The following ATP5PB variants were observed in gnomAD, a reference collection of about 807,000 sequenced individuals.
The protein encoded by ATP5PB is ATP synthase peripheral stalk-membrane subunit b.
In ATP5PB, 21 loss-of-function variants were observed where a neutral mutation model predicts 34.5. That is an observed-to-expected ratio of 0.61 (90% CI 0.43 to 0.88). The LOEUF (loss-of-function observed/expected upper bound fraction) is 0.88. Ranked by LOEUF, ATP5PB falls within the 40% of genes least tolerant of loss-of-function variation. ATP5PB has a pLI of 0.00. For synonymous variants in ATP5PB, 108 were observed against 114.1 expected (o/e 0.95, Z 0.34); for missense variants, 293 against 317.4 (o/e 0.92, Z 0.58).
intron 6 of ATP5PB, among the ~76,000 whole-genome samples, chr1:111,460,091 G>A (rs1393414863): frequency 6.6e-6 from 1 of 152,146 alleles, no homozygotes; most frequent in Non-Finnish European, 1.5e-5. Flanking sequence ...TTGAGCCCAG[G>A]AAGCATAGGC....
rs781095726 is a variant in ATP5PB at position 111,454,301 on chromosome 1, T to C, written c.168T>C (p.Tyr56=). 8.7e-5 allele frequency: 141 copies of C among 1,612,872 alleles called. 1 individual carries two copies. The highest frequency in any genetic ancestry group is 4.2e-6 in the Non-Finnish European group (5 of 1,179,688). ...CTGAATACGGAGGAAAAGTTCGTTA[T>C]GGACTGATCCCTGAGGAATTCTTCC... ...PLPEYGGKVR[Y]GLIPEEFFQF... is the part of the protein sequence containing the mutation. Residue 56 remains tyrosine (Y), a synonymous_variant, in exon 3 of 7, where the codon TAT becomes TAC. Coordinates refer to ENST00000369722, the MANE Select transcript of ATP5PB (RefSeq NM_001688.5).
chr1:111,454,157 A>G lies in ATP5PB; in HGVS notation c.78-54A>G, dbSNP rs1653405738. ...TATTGTTTCTGCTCATTATTCATAC[A>G]CTGTATTCTCCTTAAAGAAACAGGC... is the stretch of plus-strand genomic sequence containing the variant. On this transcript the variant is annotated intron_variant, in intron 2 of 6. Coordinates refer to ENST00000369722, the MANE Select transcript of ATP5PB (RefSeq NM_001688.5). The G allele has an allele frequency of 1.6e-5, 24 of 1,467,462 alleles. No homozygotes were observed. In the East Asian group the frequency reaches 5.9e-4, roughly 36 times the overall value. The allele number at this position is 1,467,462 out of a possible 1,614,324, so 90.9% of individuals were successfully genotyped here.
At chr1:111,455,249 A>G (rs894924306) in intron 3 of ATP5PB, among the ~76,000 whole-genome samples, 1 of 152,200 alleles carries the variant, frequency 6.6e-6, no homozygotes, top group African/African-American at 2.4e-5. Context: ...GGTGATAACA[A>G]TGTTACATAT....
intron 2 of ATP5PB, among the ~76,000 whole-genome samples, chr1:111,451,960 A>T (rs959514504): frequency 2.6e-5 from 4 of 152,088 alleles, no homozygotes; most frequent in Non-Finnish European, 5.9e-5. Context: ...ATTTTTAAAA[A>T]TTTTTTAAAT....
chr1:111,455,977 A>G, intron 3 of ATP5PB, 109 bp from the exon 4 acceptor site: 1 of 969,942 alleles, frequency 1.0e-6, no homozygotes, highest in Non-Finnish European at 1.4e-6. Flanking sequence ...CTTTGAATCT[A>G]ATTAAGTCAT....
In ATP5PB at chr1:111,460,948, A is replaced by G. The variant is rs1653605838; in HGVS notation, c.725A>G (p.Asp242Gly). 2.5e-6 allele frequency: 4 copies of G among 1,613,326 alleles called. No individual in the cohort carries two copies. The South Asian group carries it at 4.4e-5, about 18-fold the overall frequency. The change falls in exon 7 of 7, where the codon GAC (aspartate) becomes GGC (glycine). Residue 242 changes from aspartate to glycine, a missense_variant. Transcript: ENST00000369722. ...EKETIAKCIADLKLLAKKAQA... is the reference protein window; with the variant it reads ...EKETIAKCIAGLKLLAKKAQA... ...GAGACAATTGCCAAGTGCATTGCGG[A>G]CCTAAAGCTGCTGGCAAAGAAGGCT... is the stretch of plus-strand genomic sequence containing the variant.
At chr1:111,456,998 C>T (rs1653491718) in intron 5 of ATP5PB, among the ~76,000 whole-genome samples, 1 of 151,838 alleles carries the variant, frequency 6.6e-6, no homozygotes, top group South Asian at 2.1e-4. Flanking sequence ...TGGATCCACA[C>T]AAAATGAAAT....
At chr1:111,457,098 C>T (rs975574747) in intron 5 of ATP5PB, among the ~76,000 whole-genome samples, 1 of 152,158 alleles carries the variant, frequency 6.6e-6, no homozygotes, top group Admixed American at 6.5e-5. Context: ...TACACACTTG[C>T]TGCAAGAACA....
At chr1:111,456,322 A>G (rs1018577259) in intron 4 of ATP5PB, 73 bp downstream of exon 4, 2 of 1,428,420 alleles carry the variant, frequency 1.4e-6, no homozygotes, top group African/African-American at 1.4e-5. Flanking sequence ...TATTTTTGAT[A>G]TGAGTGTTAG....
chr1:111,450,951 G>T (rs987399452), intron 2 of ATP5PB, among the ~76,000 whole-genome samples: 1 of 152,142 alleles, frequency 6.6e-6, no homozygotes, highest in Non-Finnish European at 1.5e-5. Flanking sequence ...CCTCAGCAAG[G>T]CTCTTCCTCT....
chr1:111,456,177 A>G lies in ATP5PB; in HGVS notation c.315A>G (p.Val105=). The change falls in exon 4 of 7, where the codon GTA becomes GTG. Residue 105 remains valine, a synonymous_variant. Transcript: ENST00000369722. The part of the protein sequence containing the change: ...ISAETFTALS[V]LGVMVYGIKK... The stretch of plus-strand genomic sequence containing the variant: ...CAGAGACCTTCACTGCCCTATCAGT[A>G]CTAGGTGTAATGGTCTATGGAATTA... The G allele has an allele frequency of 1.2e-6, 2 of 1,612,970 alleles. No individual in the cohort carries two copies. The highest frequency in any genetic ancestry group is 1.7e-6 in the Non-Finnish European group (2 of 1,179,414).
At chr1:111,451,302 C>A (rs940190074) in intron 2 of ATP5PB, among the ~76,000 whole-genome samples, 2 of 152,204 alleles carry the variant, frequency 1.3e-5, no homozygotes, top group Non-Finnish European at 2.9e-5. Flanking sequence ...ATTCTTGCCT[C>A]AATATCTTTC....
chr1:111,457,312 AACAC>A (rs111663185), intron 5 of ATP5PB, among the ~76,000 whole-genome samples: 18,037 of 146,736 alleles, frequency 0.12, 1,901 homozygotes, highest in African/African-American at 0.29. Flanking sequence ...GACTCTCTCA[AACAC>A]ACACACACAC....
chr1:111,453,482 G>A (rs1158974289), intron 2 of ATP5PB, among the ~76,000 whole-genome samples: 1 of 151,544 alleles, frequency 6.6e-6, no homozygotes, highest in Non-Finnish European at 1.5e-5. Context: ...TTTGACCCAG[G>A]TACATGTGTG....
At chr1:111,450,160 C>G (rs1653276197) in intron 2 of ATP5PB, among the ~76,000 whole-genome samples, 1 of 152,194 alleles carries the variant, frequency 6.6e-6, no homozygotes, top group South Asian at 2.1e-4. Flanking sequence ...TCCCTTGGGA[C>G]CTTATGACAT....
intron 2 of ATP5PB, 33 bp from the exon 3 acceptor site, chr1:111,454,178 C>A: frequency 6.6e-7 from 1 of 1,523,456 alleles, no homozygotes; most frequent in Non-Finnish European, 8.8e-7. Context: ...CTTAAAGAAA[C>A]AGGCTTTACA....
At chr1:111,456,362 C>T (rs1653472482) in intron 4 of ATP5PB, 113 bp downstream of exon 4, 6 of 1,212,236 alleles carry the variant, frequency 4.9e-6, no homozygotes, top group East Asian at 2.5e-5. Context: ...GAATCTAATG[C>T]TTCAAATAAG....
chr1:111,452,338 C>T (rs924239045), intron 2 of ATP5PB, among the ~76,000 whole-genome samples: 1 of 151,876 alleles, frequency 6.6e-6, no homozygotes, highest in South Asian at 2.1e-4. Context: ...GAGGCCGAGA[C>T]GGCAGATCAC....
intron 3 of ATP5PB, 85 bp downstream of exon 3, chr1:111,454,441 G>T (rs12039127): frequency 0.15 from 179,702 of 1,202,298 alleles, 10,954 homozygotes; most frequent in South Asian, 0.21. Context: ...TTTGGTTTTT[G>T]TTGTTGTTGT....
Sources: gnomAD v4.1 joint callset for allele counts (sites outside exome capture counted in the v4.1 genomes callset) on GRCh38, gnomAD v4.1.1 for gene constraint, MANE v1.5 for transcripts, NCBI Gene and HGNC (gene_info 2026-07-23, HGNC 2026-07-21) for gene names.